The following GPHN variants were observed in gnomAD, a reference collection of about 807,000 sequenced individuals.
GPHN encodes gephyrin.
GPHN carries 17 observed loss-of-function variants against 95.5 expected under a neutral mutation model. The ratio of observed to expected loss-of-function variants is 0.18; its 90% CI spans 0.12 to 0.27. The LOEUF is 0.27. Among genes scored for constraint, GPHN ranks in the 10% least tolerant of loss-of-function variants. The pLI is 1.00. For missense variants in GPHN, 660 were observed against 978.1 expected (o/e 0.67, Z 4.34); for synonymous variants, 320 against 322.5 (o/e 0.99, Z 0.08).
chr14:66,693,495 C>G (rs964032152), intron 2 of GPHN, among the ~76,000 whole-genome samples: 3 of 152,092 alleles, frequency 2.0e-5, no homozygotes, highest in African/African-American at 7.2e-5. Context: ...TTGACTCATG[C>G]AGTTATGGAG....
the GPHN span, chr14:67,733,922 C>T: frequency 3.5e-6 from 4 of 1,131,118 alleles, no homozygotes; most frequent in Non-Finnish European, 5.3e-6. Flanking sequence ...AAGGCCAACC[C>T]TAAAGGATTG....
At chr14:67,029,933 C>T (rs551985124) in intron 10 of GPHN, among the ~76,000 whole-genome samples, 1 of 151,776 alleles carries the variant, frequency 6.6e-6, no homozygotes, top group African/African-American at 2.4e-5. Flanking sequence ...ACTTCTGTCT[C>T]CTAGTGTTCC....
chr14:66,998,553 A>G (rs2071972837), intron 9 of GPHN, among the ~76,000 whole-genome samples: 1 of 152,144 alleles, frequency 6.6e-6, no homozygotes, highest in Non-Finnish European at 1.5e-5. Flanking sequence ...TGACAGGATC[A>G]TTGGTACAAA....
the GPHN span, chr14:67,690,084 TG>T: frequency 5.4e-6 from 4 of 734,754 alleles, no homozygotes; most frequent in Non-Finnish European, 9.1e-6. Flanking sequence ...TTACTAAAAC[TG>T]TACCCAATTA....
the GPHN span, among the ~76,000 whole-genome samples, chr14:67,303,822 C>T: frequency 1.1e-4 from 17 of 151,166 alleles, no homozygotes; most frequent in African/African-American, 3.9e-4. Context: ...GGGTAGAGTG[C>T]AGTGGTGTGA....
the GPHN span, chr14:67,390,526 A>G: frequency 2.6e-5 from 19 of 717,746 alleles, no homozygotes; most frequent in East Asian, 4.5e-4. Context: ...CTGTGGAAGG[A>G]AAGGCATGGT....
the GPHN span, among the ~76,000 whole-genome samples, chr14:67,662,179 C>CAA: frequency 2.9e-4 from 41 of 141,738 alleles, no homozygotes; most frequent in African/African-American, 8.8e-4. Flanking sequence ...ACAACAACAA[C>CAA]AAAAAAAAAA....
chr14:66,706,735 T>C (rs1326931761), intron 2 of GPHN, among the ~76,000 whole-genome samples: 1 of 152,118 alleles, frequency 6.6e-6, no homozygotes, highest in African/African-American at 2.4e-5. Context: ...GGTAATACCA[T>C]TCAGGACACA....
the GPHN span, among the ~76,000 whole-genome samples, chr14:67,730,283 G>A: frequency 6.6e-6 from 1 of 152,188 alleles, no homozygotes; most frequent in Non-Finnish European, 1.5e-5. Flanking sequence ...CTCTAGAGCT[G>A]TGCCATTCAG....
intron 21 of GPHN, among the ~76,000 whole-genome samples, chr14:67,170,108 A>T (rs185566400): frequency 8.9e-4 from 136 of 152,288 alleles, no homozygotes; most frequent in African/African-American, 2.4e-3. Context: ...AAAATATTTT[A>T]AAAAATTACA....
chr14:66,596,158 G>A (rs1044211693), intron 1 of GPHN, among the ~76,000 whole-genome samples: 5 of 151,988 alleles, frequency 3.3e-5, no homozygotes, highest in African/African-American at 1.2e-4. Flanking sequence ...CTGGCAGATT[G>A]TCCTGTCATC....
At chr14:66,613,140 T>G (rs533758772) in intron 1 of GPHN, among the ~76,000 whole-genome samples, 13 of 152,236 alleles carry the variant, frequency 8.5e-5, no homozygotes, top group Non-Finnish European at 1.8e-4. Context: ...GGTTAGGTTC[T>G]TGTGATCCTC....
At chr14:66,869,329 C>T (rs2063342555) in intron 4 of GPHN, among the ~76,000 whole-genome samples, 1 of 152,268 alleles carries the variant, frequency 6.6e-6, no homozygotes, top group East Asian at 1.9e-4. Flanking sequence ...ATTCTTCAAA[C>T]CATTCTTCTG....
the GPHN span, among the ~76,000 whole-genome samples, chr14:67,265,098 T>C: frequency 1.3e-5 from 2 of 152,332 alleles, no homozygotes; most frequent in East Asian, 3.9e-4. Context: ...TATAGTATAT[T>C]CTAAATACAG....
chr14:67,529,556 T>C, the GPHN span, among the ~76,000 whole-genome samples: 1 of 152,132 alleles, frequency 6.6e-6, no homozygotes, highest in Non-Finnish European at 1.5e-5. Flanking sequence ...CATGCACACA[T>C]ATACACGCTC....
the GPHN span, among the ~76,000 whole-genome samples, chr14:67,604,489 G>T: frequency 6.6e-6 from 1 of 152,096 alleles, no homozygotes; most frequent in Non-Finnish European, 1.5e-5. Context: ...GAGCTCAGGA[G>T]TTCCAGAACA....
chr14:67,288,625 TATAAG>T, the GPHN span, among the ~76,000 whole-genome samples: 1 of 152,236 alleles, frequency 6.6e-6, no homozygotes, highest in East Asian at 1.9e-4. Flanking sequence ...TTCTTTTTCT[TATAAG>T]ATATTTAAGT....
chr14:67,542,111 A>G, the GPHN span: 2 of 963,804 alleles, frequency 2.1e-6, no homozygotes, highest in African/African-American at 3.3e-5. Flanking sequence ...TTTTCCCCAT[A>G]TGCAAAATGA....
chr14:66,749,044 G>C (rs566254321), intron 2 of GPHN, among the ~76,000 whole-genome samples: 1 of 151,960 alleles, frequency 6.6e-6, no homozygotes, highest in South Asian at 2.1e-4. Flanking sequence ...AGCAACCATG[G>C]ATATTTTTAA....
Sources: gnomAD v4.1 joint callset for allele counts (sites outside exome capture counted in the v4.1 genomes callset) on GRCh38, gnomAD v4.1.1 for gene constraint, MANE v1.5 for transcripts, NCBI Gene and HGNC (gene_info 2026-07-23, HGNC 2026-07-21) for gene names.